GRID2: variants seen among roughly 807,000 people sequenced by gnomAD.
GRID2 encodes the protein glutamate ionotropic receptor delta type subunit 2.
Under a neutral mutation model 114.8 loss-of-function variants are expected in GRID2, and 33 were observed. The ratio of observed to expected loss-of-function variants is 0.29; its 90% CI spans 0.22 to 0.38. The LOEUF is 0.38. GRID2 is among the 10% of genes least tolerant of loss of function. The pLI is 1.00. For synonymous variants in GRID2, 505 were observed against 449.9 expected (o/e 1.12, Z -1.55); for missense variants, 1,184 against 1,257.7 (o/e 0.94, Z 0.89).
At chr4:93,696,898 A>C (rs554595514) in intron 14 of GRID2, among the ~76,000 whole-genome samples, 1 of 152,220 alleles carries the variant, frequency 6.6e-6, no homozygotes. Flanking sequence ...ACAGGCTTCT[A>C]CAGAGTCCAT....
intron 2 of GRID2, among the ~76,000 whole-genome samples, chr4:92,650,067 A>G (rs1014923576): frequency 1.3e-5 from 2 of 152,068 alleles, no homozygotes; most frequent in Admixed American, 1.3e-4. Flanking sequence ...TGGGGACTGT[A>G]TGTAATGTTA....
Position 93,595,294 on chromosome 4 carries a change from A to G in GRID2, c.2194-30975A>G, listed in dbSNP as rs528270012. Among the ~76,000 whole-genome samples, 5 of 152,198 alleles carry G rather than the reference A, an allele frequency of 3.3e-5. No homozygotes were observed. In the South Asian group the frequency reaches 6.2e-4, roughly 19 times the overall value. On this transcript the variant is annotated intron_variant, in intron 13 of 15. Coordinates refer to ENST00000282020, the MANE Select transcript of GRID2 (RefSeq NM_001510.4). ...CGTGGGTACATTGAGATTTAATTTT[A>G]TTAGTATTTAACATTTCATAATTGT...
intron 13 of GRID2, 30 bp downstream of exon 13, chr4:93,515,441 C>A (rs368242085): frequency 4.3e-5 from 60 of 1,391,008 alleles, no homozygotes; most frequent in Non-Finnish European, 7.0e-6. Flanking sequence ...TTTAATAGTC[C>A]TTACCATTTT....
chr4:93,598,087 A>T (rs1012734058), intron 13 of GRID2, among the ~76,000 whole-genome samples: 1 of 152,236 alleles, frequency 6.6e-6, no homozygotes, highest in Admixed American at 6.5e-5. Flanking sequence ...TCTCTGGTAC[A>T]ACATACATGA....
At chr4:93,509,196 C>T (rs549927864) in intron 12 of GRID2, among the ~76,000 whole-genome samples, 1 of 152,160 alleles carries the variant, frequency 6.6e-6, no homozygotes, top group South Asian at 2.1e-4. Flanking sequence ...TGAGTGAGAA[C>T]AGAGATAGGG....
intron 13 of GRID2, among the ~76,000 whole-genome samples, chr4:93,558,153 C>G (rs762165204): frequency 3.3e-5 from 5 of 151,996 alleles, no homozygotes; most frequent in Admixed American, 6.6e-5. Flanking sequence ...CTAAAATCGA[C>G]GCCCTAACAA....
chr4:93,314,781 A>T, intron 8 of GRID2, among the ~76,000 whole-genome samples: 1 of 152,018 alleles, frequency 6.6e-6, no homozygotes, highest in African/African-American at 2.4e-5. Context: ...ATAGATATAT[A>T]TTGTGATATG....
intron 14 of GRID2, among the ~76,000 whole-genome samples, chr4:93,738,271 CTTTATAT>C (rs1731092027): frequency 1.3e-5 from 2 of 152,042 alleles, no homozygotes; most frequent in Admixed American, 1.3e-4. Flanking sequence ...ATATCAAGGA[CTTTATAT>C]TTTTTAGCAA....
At chr4:92,487,846 T>G (rs964485042) in intron 1 of GRID2, among the ~76,000 whole-genome samples, 4 of 152,136 alleles carry the variant, frequency 2.6e-5, no homozygotes, top group Admixed American at 6.6e-5. Context: ...GTTTTTGGCT[T>G]TCATTGATTT....
At position 92,630,111 on chromosome 4, in the gene GRID2, G is replaced by C. The variant is rs989867986; in HGVS notation, c.244+39825G>C. Among the ~76,000 whole-genome samples the C allele has an allele frequency of 2.6e-5, 4 of 152,072 alleles. No individual in the cohort carries two copies. The East Asian group carries it at 7.8e-4, about 29-fold the overall frequency. ...ACTCAATATTGTCTATGTTCCCACTGTGAAATCTCGGGTCTAGACATCTGT... is the reference window on the plus strand; with the variant it reads ...ACTCAATATTGTCTATGTTCCCACTCTGAAATCTCGGGTCTAGACATCTGT... On this transcript the variant is annotated intron_variant, in intron 2 of 15. Transcript: ENST00000282020.
chr4:93,528,825 T>A (rs1380286750), intron 13 of GRID2, among the ~76,000 whole-genome samples: 3 of 152,304 alleles, frequency 2.0e-5, no homozygotes, highest in East Asian at 3.9e-4. Flanking sequence ...TGAGAATAAT[T>A]TGTTTTCCTA....
intron 1 of GRID2, among the ~76,000 whole-genome samples, chr4:92,448,131 TTATGTATGTATGTATGTATGTATG>T (rs10551052): frequency 2.8e-5 from 4 of 145,364 alleles, no homozygotes; most frequent in Non-Finnish European, 6.0e-5. Context: ...GATTTTTATT[TTATGTATGTATGTATGTATGTATG>T]TATGTATGTA....
In GRID2 at chr4:93,788,506, CAT is replaced by C. The variant is rs1011087570; in HGVS notation, c.222-18197_222-18196del. 4.8e-4 allele frequency among the ~76,000 whole-genome samples: 72 copies of C among 151,166 alleles called. 1 individual carries two copies. The highest frequency in any genetic ancestry group is 1.6e-3 in the African/African-American group (65 of 41,184). On this transcript the variant is annotated intron_variant, in intron 1 of 1. Coordinates refer to the GRID2 transcript ENST00000637838. ...GTATATATATACACACACATATGTACATATATATATATAAACATGACATTGTA... is the reference window on the plus strand; with the variant it reads ...GTATATATATACACACACATATGTACATATATATATAAACATGACATTGTA...
intron 1 of GRID2, among the ~76,000 whole-genome samples, chr4:92,521,166 G>C (rs1724756763): frequency 6.6e-6 from 1 of 151,678 alleles, no homozygotes; most frequent in Non-Finnish European, 1.5e-5. Context: ...CTAACCAGTA[G>C]TAATCAGCAT....
At chr4:92,643,474 C>CT (rs1236479407) in intron 2 of GRID2, among the ~76,000 whole-genome samples, 1 of 151,746 alleles carries the variant, frequency 6.6e-6, no homozygotes, top group Admixed American at 6.6e-5. Context: ...TTATAAACAA[C>CT]TTTTGAAAGT....
At chr4:92,618,054 G>A (rs532186951) in intron 2 of GRID2, among the ~76,000 whole-genome samples, 3 of 151,458 alleles carry the variant, frequency 2.0e-5, no homozygotes, top group African/African-American at 7.2e-5. Context: ...TGTTGTTGCC[G>A]GCGTTTTGAA....
At chr4:92,650,898 G>A (rs957587002) in intron 2 of GRID2, among the ~76,000 whole-genome samples, 7 of 151,692 alleles carry the variant, frequency 4.6e-5, no homozygotes, top group African/African-American at 1.7e-4. Flanking sequence ...AACCCCACAA[G>A]GTATTATCAC....
At chr4:93,606,845 T>G (rs993220588) in intron 13 of GRID2, among the ~76,000 whole-genome samples, 21 of 152,170 alleles carry the variant, frequency 1.4e-4, no homozygotes, top group South Asian at 2.1e-4. Flanking sequence ...AAGCTAACTA[T>G]TATTTTACTG....
chr4:92,770,749 A>T (rs995002184), intron 2 of GRID2, among the ~76,000 whole-genome samples: 14 of 152,062 alleles, frequency 9.2e-5, no homozygotes, highest in African/African-American at 3.4e-4. Context: ...CGCGGGAAAG[A>T]CCCACCACCA....
Sources: allele counts gnomAD v4.1 joint callset (sites outside exome capture counted in the v4.1 genomes callset), GRCh38; gene constraint gnomAD v4.1.1; transcripts MANE v1.5; gene names NCBI Gene and HGNC (gene_info 2026-07-23, HGNC 2026-07-21).